MKLN1: variants seen among roughly 807,000 people sequenced by gnomAD.
MKLN1 encodes the protein muskelin.
MKLN1 carries 18 observed loss-of-function variants against 99.0 expected under a neutral mutation model. That is an observed-to-expected ratio of 0.18 (90% CI 0.13 to 0.27). MKLN1 has a LOEUF of 0.27. Ranked by LOEUF, MKLN1 falls within the 10% of genes least tolerant of loss-of-function variation. MKLN1 has a pLI of 1.00. For missense variants in MKLN1, 621 were observed against 875.9 expected (o/e 0.71, Z 3.67); for synonymous variants, 288 against 293.2 (o/e 0.98, Z 0.18).
rs75351476 is a variant in MKLN1 at position 131,294,999 on chromosome 7, T to C, written c.-178-80425T>C. ...TTGTGCCTTCCCTTCTCTTAATGACTTTCCCTTTGTAAGTTTTCTCTTTCC... is the reference window on the plus strand; with the variant it reads ...TTGTGCCTTCCCTTCTCTTAATGACCTTCCCTTTGTAAGTTTTCTCTTTCC... On this transcript the variant is annotated intron_variant, in intron 3 of 7. Coordinates refer to the MKLN1 transcript ENST00000416992. Among the ~76,000 whole-genome samples the C allele has an allele frequency of 6.8e-3, 1,031 of 152,274 alleles. 12 individuals are homozygous for C. The highest frequency in any genetic ancestry group is 0.023 in the African/African-American group (974 of 41,564).
At chr7:131,139,342 C>T (rs1795697524) in intron 1 of MKLN1, among the ~76,000 whole-genome samples, 2 of 152,020 alleles carry the variant, frequency 1.3e-5, no homozygotes, top group Non-Finnish European at 2.9e-5. Context: ...GGACTCCCCC[C>T]GTCCCTCCCC....
At chr7:131,326,813 T>C (rs1425418813), upstream of MKLN1, 1 of 152,248 alleles carries the variant, frequency 6.6e-6, no homozygotes, top group Non-Finnish European at 1.5e-5. Flanking sequence ...CACTTGGTCA[T>C]TTCCTGAGAA....
intron 3 of MKLN1, among the ~76,000 whole-genome samples, chr7:131,276,788 A>G (rs530176167): frequency 1.3e-5 from 2 of 152,306 alleles, no homozygotes; most frequent in East Asian, 1.9e-4. Flanking sequence ...ATATGCCACT[A>G]TAACATATCA....
Position 131,388,970 on chromosome 7 carries a change from T to C in MKLN1, c.398T>C (p.Ile133Thr). The change falls in exon 4 of 18, where the codon ATA becomes ACA. Residue 133 changes from isoleucine to threonine, a missense_variant and splice_region_variant. Coordinates refer to ENST00000352689, the MANE Select transcript of MKLN1 (RefSeq NM_013255.5). The stretch of plus-strand genomic sequence containing the variant: ...ATGTTCCCTTGTCGATTCATTAAAA[T>C]AGGTAAGATTTTAGCATTCTGAAAT... ...EQMFPCRFIK[I>T]VPLLSWGPSF... is the part of the protein sequence containing the mutation. The C allele has an allele frequency of 6.3e-7, 1 of 1,594,126 alleles. No homozygotes were observed. Among genetic ancestry groups the C allele is most frequent in the Non-Finnish European group, 8.6e-7 (1 of 1,165,898 alleles).
At chr7:131,242,287 G>A (rs1384444086) in intron 3 of MKLN1, among the ~76,000 whole-genome samples, 1 of 152,206 alleles carries the variant, frequency 6.6e-6, no homozygotes, top group Non-Finnish European at 1.5e-5. Flanking sequence ...TGTAATCCCA[G>A]CAATTTGGGA....
At chr7:131,194,563 T>C (rs1197716126) in intron 2 of MKLN1, among the ~76,000 whole-genome samples, 2 of 152,238 alleles carry the variant, frequency 1.3e-5, no homozygotes, top group African/African-American at 2.4e-5. Context: ...TTGAGATCCA[T>C]ACTTACGGCC....
chr7:131,429,351 T>G (rs750477786), intron 9 of MKLN1, among the ~76,000 whole-genome samples: 1 of 151,672 alleles, frequency 6.6e-6, no homozygotes, highest in East Asian at 1.9e-4. Flanking sequence ...ATCTGTTTTA[T>G]AGAGAGAGAG....
At chr7:131,294,116 T>C (rs1798258035) in intron 3 of MKLN1, among the ~76,000 whole-genome samples, 1 of 152,190 alleles carries the variant, frequency 6.6e-6, no homozygotes, top group East Asian at 1.9e-4. Context: ...ATGGACCTTG[T>C]TAATATCTTG....
At chr7:131,139,390 C>T (rs1380159096) in intron 1 of MKLN1, among the ~76,000 whole-genome samples, 1 of 152,070 alleles carries the variant, frequency 6.6e-6, no homozygotes, top group East Asian at 1.9e-4. Context: ...TCCATTAGGC[C>T]TTGACTCACC....
At chr7:131,412,666 G>C (rs771559956) in intron 7 of MKLN1, among the ~76,000 whole-genome samples, 16 of 152,124 alleles carry the variant, frequency 1.1e-4, no homozygotes, top group Non-Finnish European at 2.2e-4. Context: ...TTCATATAAG[G>C]GGGGAGGTTT....
Position 131,437,796 on chromosome 7 carries a change from T to C in MKLN1, c.972T>C (p.Ser324=). 1 of 1,612,774 alleles carries C rather than the reference T, an allele frequency of 6.2e-7. No homozygotes were observed. The highest frequency in any genetic ancestry group is 8.5e-7 in the Non-Finnish European group (1 of 1,178,850). The part of the protein sequence containing the change: ...SRDTEKENGP[S]ARSCHKMCID... The stretch of plus-strand genomic sequence containing the variant: ...CTCTCTCTCTACAGAATGGTCCTAG[T>C]GCCAGATCGTGTCATAAAATGTGCA... The change falls in exon 10 of 18, where the codon AGT becomes AGC. Residue 324 remains serine, a synonymous_variant. Transcript: ENST00000352689.
intron 3 of MKLN1, among the ~76,000 whole-genome samples, chr7:131,231,405 G>A (rs189300305): frequency 9.7e-4 from 147 of 152,122 alleles, no homozygotes; most frequent in African/African-American, 3.4e-3. Flanking sequence ...CCATCGTCTT[G>A]AACCTGTACA....
intron 12 of MKLN1, among the ~76,000 whole-genome samples, chr7:131,455,033 T>C (rs1456612392): frequency 2.0e-5 from 3 of 152,236 alleles, no homozygotes; most frequent in African/African-American, 7.2e-5. Context: ...GAGCTGAAAA[T>C]ATCCTAACAA....
chr7:131,231,286 A>G (rs546485529), intron 3 of MKLN1, among the ~76,000 whole-genome samples: 1 of 152,260 alleles, frequency 6.6e-6, no homozygotes, highest in East Asian at 1.9e-4. Context: ...GTCTTAACCT[A>G]TCAGTACATG....
At chr7:131,155,155 T>C (rs1413471558) in intron 2 of MKLN1, among the ~76,000 whole-genome samples, 1 of 152,234 alleles carries the variant, frequency 6.6e-6, no homozygotes, top group East Asian at 1.9e-4. Context: ...AACTGTATAT[T>C]TGGCTCCTTA....
intron 3 of MKLN1, among the ~76,000 whole-genome samples, chr7:131,206,493 CAT>C (rs934403172): frequency 2.7e-5 from 4 of 150,826 alleles, no homozygotes; most frequent in East Asian, 1.9e-4. Context: ...GTTTTTTAAA[CAT>C]ATATGTTTAT....
At chr7:131,320,370 A>G (rs1218152334) in intron 3 of MKLN1, among the ~76,000 whole-genome samples, 2 of 152,242 alleles carry the variant, frequency 1.3e-5, no homozygotes, top group Non-Finnish European at 1.5e-5. Flanking sequence ...AAAACTAGCT[A>G]GCCATATGCA....
At chr7:131,389,007 C>A in intron 4 of MKLN1, 35 bp downstream of exon 4, 4 of 1,427,478 alleles carry the variant, frequency 2.8e-6, no homozygotes, top group Non-Finnish European at 3.9e-6. Flanking sequence ...GAAACAAATT[C>A]TTGATATCAT....
intron 1 of MKLN1, among the ~76,000 whole-genome samples, chr7:131,135,808 T>G (rs56125352): frequency 1.3e-5 from 2 of 152,072 alleles, no homozygotes; most frequent in South Asian, 4.1e-4. Flanking sequence ...GCAGAAATGA[T>G]GAAGTAGATG....
Sources: gnomAD v4.1 joint callset for allele counts (sites outside exome capture counted in the v4.1 genomes callset) on GRCh38, gnomAD v4.1.1 for gene constraint, MANE v1.5 for transcripts, NCBI Gene and HGNC (gene_info 2026-07-23, HGNC 2026-07-21) for gene names.